Variants in CYP2J2 observed in about 807,000 individuals in gnomAD.
CYP2J2 encodes cytochrome P450 family 2 subfamily J member 2, also known as cytochrome P450 2J2.
In CYP2J2, 41 loss-of-function variants were observed where a neutral mutation model predicts 48.8. That is an observed-to-expected ratio of 0.84 (90% CI 0.66 to 1.09). CYP2J2 has a LOEUF of 1.09. Ranked by LOEUF, CYP2J2 falls within the 50% of genes least tolerant of loss-of-function variation. CYP2J2 has a pLI of 0.00. For missense variants in CYP2J2, 644 were observed against 617.3 expected (o/e 1.04, Z -0.46); for synonymous variants, 221 against 227.1 (o/e 0.97, Z 0.24).
the CYP2J2 span, among the ~76,000 whole-genome samples, chr1:59,941,976 TCA>T: frequency 6.6e-6 from 1 of 152,166 alleles, no homozygotes; most frequent in Non-Finnish European, 1.5e-5. Context: ...TCCTAGGTCT[TCA>T]CATTCACTCT....
the CYP2J2 span, among the ~76,000 whole-genome samples, chr1:59,953,968 C>G: frequency 6.6e-6 from 1 of 152,024 alleles, no homozygotes; most frequent in Non-Finnish European, 1.5e-5. Flanking sequence ...CAAATGTTCT[C>G]TCTTCCTATG....
intron 5 of CYP2J2, among the ~76,000 whole-genome samples, chr1:59,908,296 G>A (rs1373883364): frequency 6.6e-6 from 1 of 152,148 alleles, no homozygotes; most frequent in Admixed American, 6.5e-5. Flanking sequence ...TAACCTCTCT[G>A]TTCTTCAGTT....
chr1:59,942,045 A>G, the CYP2J2 span, among the ~76,000 whole-genome samples: 28 of 152,228 alleles, frequency 1.8e-4, no homozygotes, highest in Non-Finnish European at 4.0e-4. Flanking sequence ...GCCATTCGTG[A>G]TAAGTGCCTT....
intron 1 of CYP2J2, among the ~76,000 whole-genome samples, chr1:59,921,650 T>C (rs1644516694): frequency 6.7e-6 from 1 of 149,158 alleles, no homozygotes; most frequent in African/African-American, 2.5e-5. Context: ...GTCTAACCGG[T>C]TGTCTAGCAA....
chr1:59,921,646 C>T (rs908861518), intron 1 of CYP2J2, among the ~76,000 whole-genome samples: 1 of 150,710 alleles, frequency 6.6e-6, no homozygotes, highest in African/African-American at 2.4e-5. Flanking sequence ...TTTGGTCTAA[C>T]CGGTTGTCTA....
chr1:59,922,609 C>A (rs1162753470), intron 1 of CYP2J2, among the ~76,000 whole-genome samples: 5 of 151,932 alleles, frequency 3.3e-5, no homozygotes, highest in Admixed American at 3.3e-4. Flanking sequence ...AGTCATTTAA[C>A]CCCTCTTTTA....
At chr1:59,924,283 C>T (rs1644543844) in intron 1 of CYP2J2, among the ~76,000 whole-genome samples, 1 of 151,964 alleles carries the variant, frequency 6.6e-6, no homozygotes, top group African/African-American at 2.4e-5. Context: ...TGCCAGTACA[C>T]CTGCACTAAA....
At chr1:59,935,046 A>G in the CYP2J2 span, among the ~76,000 whole-genome samples, 1 of 118,626 alleles carries the variant, frequency 8.4e-6, no homozygotes, top group African/African-American at 3.2e-5. Context: ...ATATATATAT[A>G]TATATACACA....
the CYP2J2 span, among the ~76,000 whole-genome samples, chr1:59,948,123 C>T: frequency 6.6e-6 from 1 of 151,988 alleles, no homozygotes; most frequent in Non-Finnish European, 1.5e-5. Flanking sequence ...AAGTTGGTGC[C>T]CTTTGCTTTA....
At chr1:59,939,385 C>G in the CYP2J2 span, among the ~76,000 whole-genome samples, 4 of 152,152 alleles carry the variant, frequency 2.6e-5, no homozygotes, top group African/African-American at 7.2e-5. Flanking sequence ...AATTCTCAGG[C>G]TTACAAGTAA....
chr1:59,944,341 G>A, the CYP2J2 span, among the ~76,000 whole-genome samples: 1 of 152,222 alleles, frequency 6.6e-6, no homozygotes, highest in African/African-American at 2.4e-5. Context: ...TCCCGCCTCA[G>A]CTCGCCAAGT....
At chr1:59,950,011 A>G in the CYP2J2 span, among the ~76,000 whole-genome samples, 74 of 152,280 alleles carry the variant, frequency 4.9e-4, no homozygotes, top group African/African-American at 1.8e-3. Context: ...GGAATGGGGA[A>G]GAAGCATAGT....
intron 6 of CYP2J2, among the ~76,000 whole-genome samples, chr1:59,906,172 C>T (rs938990875): frequency 3.9e-5 from 6 of 151,998 alleles, no homozygotes; most frequent in Non-Finnish European, 7.4e-5. Flanking sequence ...GGTGACAGAG[C>T]GAGAAAAAAG....
the CYP2J2 span, among the ~76,000 whole-genome samples, chr1:59,968,875 A>G: frequency 6.6e-6 from 1 of 152,170 alleles, no homozygotes; most frequent in Non-Finnish European, 1.5e-5. Context: ...GGTGAGTGTT[A>G]TAGCTCTTAA....
intron 2 of CYP2J2, chr1:59,913,112 C>T (rs1433140873): frequency 1.3e-5 from 2 of 152,172 alleles, no homozygotes; most frequent in Non-Finnish European, 2.9e-5. Flanking sequence ...CTTGCAGCAG[C>T]AGTAGACACT....
intron 1 of CYP2J2, among the ~76,000 whole-genome samples, chr1:59,917,437 A>G (rs11572237): frequency 0.3 from 46,201 of 152,092 alleles, 7,584 homozygotes; most frequent in African/African-American, 0.43. Context: ...CTTTCAAGAC[A>G]GAAAATGAAT....
chr1:59,894,236 G>A (rs1311684820), intron 8 of CYP2J2, among the ~76,000 whole-genome samples: 1 of 152,162 alleles, frequency 6.6e-6, no homozygotes. Flanking sequence ...AAAAATTGTT[G>A]AAAATATAAG....
chr1:59,915,896 A>G, intron 2 of CYP2J2, 42 bp downstream of exon 2: 2 of 1,594,132 alleles, frequency 1.3e-6, no homozygotes, highest in Non-Finnish European at 1.7e-6. Flanking sequence ...TTATAGGACT[A>G]TCAACATCAA....
At chr1:59,960,118 C>G in the CYP2J2 span, among the ~76,000 whole-genome samples, 1 of 152,048 alleles carries the variant, frequency 6.6e-6, no homozygotes, top group East Asian at 1.9e-4. Flanking sequence ...AAAGCAAACC[C>G]CAAGATAAGC....
Sources: gnomAD v4.1 joint callset for allele counts (sites outside exome capture counted in the v4.1 genomes callset) on GRCh38, gnomAD v4.1.1 for gene constraint, MANE v1.5 for transcripts, NCBI Gene and HGNC (gene_info 2026-07-23, HGNC 2026-07-21) for gene names.